The following COL5A2 variants were observed in gnomAD, a reference collection of about 807,000 sequenced individuals.
COL5A2 encodes the protein collagen alpha-2(V) chain.
Under a neutral mutation model 208.2 loss-of-function variants are expected in COL5A2, and 23 were observed. The ratio of observed to expected loss-of-function variants is 0.11; its 90% CI spans 0.08 to 0.16. The LOEUF is 0.16. COL5A2 is among the 10% of genes least tolerant of loss of function. COL5A2 has a pLI of 1.00. For synonymous variants in COL5A2, 625 were observed against 628.5 expected (o/e 0.99, Z 0.08); for missense variants, 1,590 against 1,956.4 (o/e 0.81, Z 3.53).
intron 7 of COL5A2, among the ~76,000 whole-genome samples, chr2:189,090,967 T>C (rs567388829): frequency 4.7e-4 from 72 of 152,322 alleles, no homozygotes; most frequent in Non-Finnish European, 1.3e-4. Flanking sequence ...AGCCCATGGA[T>C]ATAAATAAAT....
chr2:189,261,850 T>C, the COL5A2 span, among the ~76,000 whole-genome samples: 1 of 152,146 alleles, frequency 6.6e-6, no homozygotes, highest in African/African-American at 2.4e-5. Context: ...GGCAACAGAC[T>C]AAACAGACCA....
intron 43 of COL5A2, among the ~76,000 whole-genome samples, chr2:189,050,128 C>G (rs1030394100): frequency 6.6e-6 from 1 of 152,184 alleles, no homozygotes; most frequent in Non-Finnish European, 1.5e-5. Flanking sequence ...TCAGATCCTT[C>G]TTCAGCATTC....
chr2:189,246,428 A>C, the COL5A2 span, among the ~76,000 whole-genome samples: 1 of 152,248 alleles, frequency 6.6e-6, no homozygotes, highest in South Asian at 2.1e-4. Flanking sequence ...TCAATTGATA[A>C]AAATTAAGCT....
chr2:189,371,268 C>T, the COL5A2 span, among the ~76,000 whole-genome samples: 1 of 152,258 alleles, frequency 6.6e-6, no homozygotes, highest in Non-Finnish European at 1.5e-5. Context: ...TAAATTATCC[C>T]GTCAGGTATT....
At chr2:189,111,594 T>G (rs557835804) in intron 1 of COL5A2, among the ~76,000 whole-genome samples, 10 of 152,260 alleles carry the variant, frequency 6.6e-5, no homozygotes, top group Middle Eastern at 3.4e-3. Context: ...AAATTAGACT[T>G]CCTTTACCCA....
the COL5A2 span, among the ~76,000 whole-genome samples, chr2:189,293,221 T>A: frequency 1.3e-5 from 2 of 151,966 alleles, no homozygotes; most frequent in Admixed American, 6.6e-5. Flanking sequence ...AACCTGCACA[T>A]TGTGCACATG....
intron 12 of COL5A2, among the ~76,000 whole-genome samples, chr2:189,083,487 G>C (rs1024044636): frequency 1.6e-4 from 24 of 151,958 alleles, no homozygotes; most frequent in Non-Finnish European, 5.9e-5. Flanking sequence ...TTGGGGAGCA[G>C]CCAAAGAAGC....
chr2:189,372,074 C>G, the COL5A2 span, among the ~76,000 whole-genome samples: 1 of 152,186 alleles, frequency 6.6e-6, no homozygotes, highest in East Asian at 1.9e-4. Context: ...AGACACTGCT[C>G]CCCACATCCC....
the COL5A2 span, among the ~76,000 whole-genome samples, chr2:189,254,361 G>C: frequency 6.6e-6 from 1 of 152,214 alleles, no homozygotes; most frequent in Non-Finnish European, 1.5e-5. Context: ...GTTATGAAGG[G>C]TGTAAATATT....
At chr2:189,429,092 TAA>T in the COL5A2 span, among the ~76,000 whole-genome samples, 1 of 152,176 alleles carries the variant, frequency 6.6e-6, no homozygotes, top group Admixed American at 6.5e-5. Context: ...TGAGGAATGC[TAA>T]GAGAGTCAAT....
intron 1 of COL5A2, among the ~76,000 whole-genome samples, chr2:189,148,276 T>C (rs889436525): frequency 6.6e-6 from 1 of 152,118 alleles, no homozygotes; most frequent in African/African-American, 2.4e-5. Context: ...AAAATATGCA[T>C]ATATATAGTA....
At chr2:189,217,652 A>G (rs1258657514) in intron 1 of COL5A2, among the ~76,000 whole-genome samples, 1 of 152,208 alleles carries the variant, frequency 6.6e-6, no homozygotes, top group African/African-American at 2.4e-5. Flanking sequence ...AAGCTTGATA[A>G]GAAAGTCTAG....
At chr2:189,169,345 CAG>C (rs1478560879) in intron 1 of COL5A2, among the ~76,000 whole-genome samples, 1 of 152,126 alleles carries the variant, frequency 6.6e-6, no homozygotes, top group Non-Finnish European at 1.5e-5. Flanking sequence ...GGCTGCGAAA[CAG>C]GGGAGGGGCA....
At chr2:189,358,235 GA>G in the COL5A2 span, among the ~76,000 whole-genome samples, 5,576 of 146,054 alleles carry the variant, frequency 0.038, 116 homozygotes, top group Admixed American at 0.052. Context: ...CTACTGCTCA[GA>G]AAAAAAAAAA....
At chr2:189,337,595 C>T in the COL5A2 span, among the ~76,000 whole-genome samples, 1 of 152,090 alleles carries the variant, frequency 6.6e-6, no homozygotes, top group African/African-American at 2.4e-5. Flanking sequence ...ATTAAATATA[C>T]TCATGGAGGA....
At chr2:189,433,866 A>C in the COL5A2 span, among the ~76,000 whole-genome samples, 1 of 152,230 alleles carries the variant, frequency 6.6e-6, no homozygotes, top group East Asian at 1.9e-4. Flanking sequence ...AAATCCTGGC[A>C]GAGACACAAC....
At chr2:189,156,235 C>A (rs1048044448) in intron 1 of COL5A2, among the ~76,000 whole-genome samples, 18 of 152,080 alleles carry the variant, frequency 1.2e-4, no homozygotes, top group Non-Finnish European at 2.4e-4. Context: ...GCCATTCACA[C>A]CCTGCAGTAG....
At chr2:189,049,645 G>A (rs1485601316) in intron 43 of COL5A2, among the ~76,000 whole-genome samples, 191 bp from the exon 44 acceptor site, 2 of 152,132 alleles carry the variant, frequency 1.3e-5, no homozygotes, top group Non-Finnish European at 2.9e-5. Flanking sequence ...TCCTCTTGAC[G>A]TATCTAAGGG....
the COL5A2 span, among the ~76,000 whole-genome samples, chr2:189,346,638 A>G: frequency 6.6e-6 from 1 of 152,250 alleles, no homozygotes; most frequent in Non-Finnish European, 1.5e-5. Flanking sequence ...AGACAAGTTT[A>G]GAAAACAGAA....
Sources: gnomAD v4.1 joint callset for allele counts (sites outside exome capture counted in the v4.1 genomes callset) on GRCh38, gnomAD v4.1.1 for gene constraint, MANE v1.5 for transcripts, NCBI Gene and HGNC (gene_info 2026-07-23, HGNC 2026-07-21) for gene names.